The following SKIC2 variants were observed in gnomAD, a reference collection of about 807,000 sequenced individuals.
SKIC2 encodes SKI2 subunit of superkiller complex, also known as superkiller complex protein 2.
chr6:31,968,371 C>T, the SKIC2 span: 1 of 1,613,056 alleles, frequency 6.2e-7, no homozygotes, highest in Non-Finnish European at 8.5e-7. This position sits in a 1 kb window ranked among gnomAD's most constrained non-coding sequence, Gnocchi z 6.1. Flanking sequence ...TGTCCAGGAA[C>T]TGCTGCGTCT....
chr6:31,967,121 G>A, the SKIC2 span: 4 of 1,611,862 alleles, frequency 2.5e-6, no homozygotes, highest in Non-Finnish European at 3.4e-6. This position sits in a 1 kb window ranked among gnomAD's most constrained non-coding sequence, Gnocchi z 4.9. Flanking sequence ...GGAACTGACA[G>A]AGACCCAGCA....
the SKIC2 span, chr6:31,962,808 A>G: frequency 1.3e-6 from 2 of 1,599,268 alleles, no homozygotes; most frequent in Non-Finnish European, 1.7e-6. The surrounding 1 kb of genome is among the most constrained non-coding windows in gnomAD (Gnocchi z 5.0). Context: ...GGTAAGGGCC[A>G]TGGGCTCCCC....
At chr6:31,961,345 C>T in the SKIC2 span, 1 of 1,575,264 alleles carries the variant, frequency 6.3e-7, no homozygotes, top group Middle Eastern at 1.7e-4. Context: ...CTGCAGTGCT[C>T]CCCTGGCCCG....
chr6:31,960,281 T>C, the SKIC2 span: 1 of 1,613,236 alleles, frequency 6.2e-7, no homozygotes, highest in South Asian at 1.1e-5. Flanking sequence ...CCCAGTCCCA[T>C]CCGACCTACA....
chr6:31,966,945 A>T, the SKIC2 span: 2 of 1,613,132 alleles, frequency 1.2e-6, no homozygotes, highest in South Asian at 2.2e-5. This position sits in a 1 kb window ranked among gnomAD's most constrained non-coding sequence, Gnocchi z 5.9. Context: ...GAGGGTGGGG[A>T]GTGTGACAGA....
At chr6:31,960,445 A>G in the SKIC2 span, 1 of 1,614,004 alleles carries the variant, frequency 6.2e-7, no homozygotes, top group Non-Finnish European at 8.5e-7. Flanking sequence ...TTGCTGGAGA[A>G]CACAAATCTC....
the SKIC2 span, chr6:31,968,123 C>G: frequency 6.2e-7 from 1 of 1,610,464 alleles, no homozygotes; most frequent in Non-Finnish European, 8.5e-7. The surrounding 1 kb of genome is among the most constrained non-coding windows in gnomAD (Gnocchi z 6.1). Context: ...CAGAGGGGCA[C>G]GTAGAGGCAG....
At chr6:31,959,676 G>A in the SKIC2 span, 1 of 552,662 alleles carries the variant, frequency 1.8e-6, no homozygotes, top group Non-Finnish European at 3.2e-6. Context: ...CAGGGCACTT[G>A]GTGACTGAGA....
chr6:31,961,815 C>T, the SKIC2 span: 56 of 1,560,260 alleles, frequency 3.6e-5, no homozygotes, highest in Middle Eastern at 2.1e-4. Flanking sequence ...CGGCTGGCTC[C>T]GGCCTTCATC....
chr6:31,964,720 T>C, the SKIC2 span, among the ~76,000 whole-genome samples: 2 of 152,206 alleles, frequency 1.3e-5, no homozygotes, highest in Non-Finnish European at 2.9e-5. This position sits in a 1 kb window ranked among gnomAD's most constrained non-coding sequence, Gnocchi z 5.0. Context: ...TTTAGGAAAC[T>C]AGTTCATGCC....
chr6:31,960,463 C>T, the SKIC2 span: 1 of 1,614,146 alleles, frequency 6.2e-7, no homozygotes, highest in Non-Finnish European at 8.5e-7. Flanking sequence ...CTCTCGGCTA[C>T]AACCTCCTTG....
chr6:31,964,249 G>C, the SKIC2 span: 1 of 1,613,038 alleles, frequency 6.2e-7, no homozygotes, highest in South Asian at 1.1e-5. This position sits in a 1 kb window ranked among gnomAD's most constrained non-coding sequence, Gnocchi z 5.0. Context: ...ACATGTCAGA[G>C]CTCCTGAATC....
the SKIC2 span, chr6:31,968,481 G>A: frequency 1.6e-5 from 26 of 1,612,932 alleles, no homozygotes; most frequent in Non-Finnish European, 2.1e-5. This position sits in a 1 kb window ranked among gnomAD's most constrained non-coding sequence, Gnocchi z 6.1. Flanking sequence ...GGGCCCGGAA[G>A]CTGGAGGAGC....
At chr6:31,962,824 C>T in the SKIC2 span, 1 of 1,539,846 alleles carries the variant, frequency 6.5e-7, no homozygotes, top group Non-Finnish European at 9.0e-7. This position sits in a 1 kb window ranked among gnomAD's most constrained non-coding sequence, Gnocchi z 5.0. Flanking sequence ...TCCCCAGAAC[C>T]CGGCAGTCCT....
the SKIC2 span, chr6:31,969,413 G>A: frequency 1.4e-5 from 22 of 1,614,048 alleles, no homozygotes; most frequent in South Asian, 3.3e-5. The surrounding 1 kb of genome is among the most constrained non-coding windows in gnomAD (Gnocchi z 6.1). Context: ...GAGTGGGCCC[G>A]GGGCATGGTG....
At chr6:31,959,292 C>T in the SKIC2 span, 4 of 1,610,578 alleles carry the variant, frequency 2.5e-6, no homozygotes, top group Non-Finnish European at 3.4e-6. Flanking sequence ...GACCTTTCCC[C>T]GTAGTGCTAC....
the SKIC2 span, chr6:31,960,765 C>A: frequency 3.3e-6 from 5 of 1,507,636 alleles, no homozygotes; most frequent in Non-Finnish European, 4.5e-6. Context: ...TGAGTCTGAG[C>A]CTTGAGGAGG....
chr6:31,964,157 C>T, the SKIC2 span: 2 of 1,610,214 alleles, frequency 1.2e-6, no homozygotes, highest in Non-Finnish European at 1.7e-6. This position sits in a 1 kb window ranked among gnomAD's most constrained non-coding sequence, Gnocchi z 5.0. Context: ...TGCGTGCATG[C>T]ACACATTTGG....
chr6:31,969,548 CCT>C, the SKIC2 span: 3 of 1,613,894 alleles, frequency 1.9e-6, no homozygotes, highest in Non-Finnish European at 2.5e-6. The surrounding 1 kb of genome is among the most constrained non-coding windows in gnomAD (Gnocchi z 6.1). Flanking sequence ...CTCAGGGACC[CCT>C]GAGGGCCTGG....
Sources: gnomAD v4.1 joint callset for allele counts (sites outside exome capture counted in the v4.1 genomes callset) on GRCh38, gnomAD v4.1.1 for gene constraint, Gnocchi (gnomAD v3.1) non-coding constraint, MANE v1.5 for transcripts, NCBI Gene and HGNC (gene_info 2026-07-23, HGNC 2026-07-21) for gene names.